KLHDC3: variants seen among roughly 807,000 people sequenced by gnomAD.
KLHDC3 encodes the protein kelch domain-containing protein 3.
A neutral mutation model predicts 44.1 loss-of-function variants in KLHDC3; 5 were observed. That is an observed-to-expected ratio of 0.11 (90% CI 0.06 to 0.24). The LOEUF (loss-of-function observed/expected upper bound fraction) is 0.24, where lower values mean the gene tolerates loss of function less well. KLHDC3 is among the 10% of genes least tolerant of loss of function. KLHDC3 has a pLI of 1.00. For missense variants in KLHDC3, 247 were observed against 514.3 expected (o/e 0.48, Z 5.03); for synonymous variants, 170 against 189.0 (o/e 0.90, Z 0.82).
intron 1 of KLHDC3, chr6:43,014,659 C>T: frequency 4.4e-6 from 2 of 455,710 alleles, no homozygotes; most frequent in Non-Finnish European, 8.8e-6. Context: ...TAGGGGAGGC[C>T]GGAATGTCTG....
In KLHDC3 at chr6:43,020,639, T is replaced by C. The variant is rs182539097; in HGVS notation, c.1083-28T>C. 299 of 1,596,412 alleles carry C rather than the reference T, an allele frequency of 1.9e-4. 1 individual carries two copies. The highest frequency in any genetic ancestry group is 1.8e-3 in the African/African-American group (134 of 74,656). On this transcript the variant is annotated intron_variant, in intron 10 of 10. Coordinates refer to ENST00000326974, the MANE Select transcript of KLHDC3 (RefSeq NM_057161.4). ...AGCTTGGGCTGAGGGCCCCCTCTTC[T>C]TTCTGTCTCTTATTGTTGGCCTTCC...
At chr6:43,015,920 C>A (rs1289203298) in intron 1 of KLHDC3, among the ~76,000 whole-genome samples, 1 of 149,846 alleles carries the variant, frequency 6.7e-6, no homozygotes, top group Non-Finnish European at 1.5e-5. Flanking sequence ...TGCCCAAGGG[C>A]ATTTTTTGCC....
At chr6:43,014,441 A>T in intron 1 of KLHDC3, 93 bp downstream of exon 1, 27 of 387,882 alleles carry the variant, frequency 7.0e-5, no homozygotes, top group East Asian at 1.5e-4. Flanking sequence ...CCTGAGAGTG[A>T]TGAGGTGGGG....
chr6:43,018,077 G>T lies in KLHDC3; in HGVS notation c.448-68G>T. ...TTGGCTTGTTTGCAGGTTTTGAGGG[G>T]AGGGATGGAGGGTCAGAGAGTGACC... On this transcript the variant is annotated intron_variant, in intron 4 of 10. Transcript: ENST00000326974. The surrounding 1 kb of genome is among the most constrained non-coding windows in gnomAD (Gnocchi z 6.0). 7.0e-7 allele frequency: 1 copy of T among 1,421,626 alleles called. No individual in the cohort carries two copies. The highest frequency in any genetic ancestry group is 1.0e-6 in the Non-Finnish European group (1 of 1,004,910). 88.1% of individuals were successfully genotyped at this position (1,421,626 alleles called of 1,614,324 possible).
intron 1 of KLHDC3, among the ~76,000 whole-genome samples, chr6:43,015,677 C>G (rs1332708943): frequency 6.6e-6 from 1 of 151,844 alleles, no homozygotes; most frequent in Non-Finnish European, 1.5e-5. Flanking sequence ...TAGTGAGACC[C>G]CATCTCTACT....
chr6:43,020,901 G>C lies in KLHDC3; in HGVS notation c.*168G>C. The C allele has an allele frequency of 1.5e-6, 1 of 683,706 alleles. No individual in the cohort carries two copies. The highest frequency in any genetic ancestry group is 2.1e-5 in the Admixed American group (1 of 46,790). 42.4% of individuals were successfully genotyped at this position (683,706 alleles called of 1,614,324 possible). A position where few individuals can be genotyped will look rare whatever the true frequency, so the allele number is the denominator to read the frequency against. On this transcript the variant is annotated 3_prime_UTR_variant, in exon 11 of 11. Coordinates refer to ENST00000326974, the MANE Select transcript of KLHDC3 (RefSeq NM_057161.4). The stretch of plus-strand genomic sequence containing the variant: ...TGAATTCAGTGGGGAGCTGTAGCGG[G>C]GTGGGGGCTAGGTTCCTCCCCCCTT...
chr6:43,020,482 G>C (rs1762665423), intron 10 of KLHDC3, among the ~76,000 whole-genome samples, 185 bp from the exon 11 acceptor site: 2 of 152,122 alleles, frequency 1.3e-5, no homozygotes, highest in South Asian at 4.1e-4. Flanking sequence ...AGTGGGTGGT[G>C]TTGGATTTGG....
Position 43,017,476 on chromosome 6 carries a change from C to T in KLHDC3, c.155-43C>T. On this transcript the variant is annotated intron_variant, in intron 2 of 10. Transcript: ENST00000326974. The surrounding 1 kb of genome is among the most constrained non-coding windows in gnomAD (Gnocchi z 6.0). ...CATCTGGTTTGGGAAAAGTGGACAG[C>T]CTGGAGGGAGGTTCCCAGGGCTGAG... 1 of 1,564,294 alleles carries T rather than the reference C, an allele frequency of 6.4e-7. No homozygotes were observed. The highest frequency in any genetic ancestry group is 8.7e-7 in the Non-Finnish European group (1 of 1,151,372).
chr6:43,020,715 C>T lies in KLHDC3; in HGVS notation c.1131C>T (p.Ile377=), dbSNP rs143460878. The change falls in exon 11 of 11, where the codon ATC becomes ATT. Residue 377 remains isoleucine (I), a synonymous_variant. Coordinates refer to ENST00000326974, the MANE Select transcript of KLHDC3 (RefSeq NM_057161.4). ...MTTNSNISRP[I]VSSHG ...CCAACAGCAATATCAGTCGCCCCATCGTCTCCTCCCATGGGTAGGAGGAAG... is the reference window on the plus strand; with the variant it reads ...CCAACAGCAATATCAGTCGCCCCATTGTCTCCTCCCATGGGTAGGAGGAAG... The T allele has an allele frequency of 4.3e-6, 7 of 1,613,706 alleles. No homozygotes were observed. In the African/African-American group the frequency reaches 8.0e-5, roughly 18 times the overall value.
intron 1 of KLHDC3, among the ~76,000 whole-genome samples, chr6:43,015,228 C>T (rs1000201066): frequency 6.6e-6 from 1 of 152,170 alleles, no homozygotes; most frequent in African/African-American, 2.4e-5. Context: ...AGAGTAGCTT[C>T]CTGCTGGGGC....
intron 10 of KLHDC3, among the ~76,000 whole-genome samples, chr6:43,019,980 C>T (rs769699319): frequency 6.6e-6 from 1 of 152,050 alleles, no homozygotes; most frequent in Non-Finnish European, 1.5e-5. Flanking sequence ...AGTTCGAGAC[C>T]ATCCTGGCCA....
intron 1 of KLHDC3, among the ~76,000 whole-genome samples, chr6:43,015,377 C>T (rs112829531): frequency 0.011 from 1,722 of 152,268 alleles, 34 homozygotes; most frequent in African/African-American, 0.039. Context: ...TGTTTTAGTG[C>T]CTGAGGTTTT....
chr6:43,017,092 G>A lies in KLHDC3; in HGVS notation c.-59-42G>A. ...GGGCAGAGTCACAGTGAGCTGGGCAGAAGCCTCGCCTGAGGATCCCGTGGC... is the reference window on the plus strand; with the variant it reads ...GGGCAGAGTCACAGTGAGCTGGGCAAAAGCCTCGCCTGAGGATCCCGTGGC... On this transcript the variant is annotated intron_variant, in intron 1 of 10. Coordinates refer to ENST00000326974, the MANE Select transcript of KLHDC3 (RefSeq NM_057161.4). This position sits in a 1 kb window ranked among gnomAD's most constrained non-coding sequence, Gnocchi z 6.0. 1 of 1,398,902 alleles carries A rather than the reference G, an allele frequency of 7.1e-7. No homozygotes were observed. Among genetic ancestry groups the A allele is most frequent in the South Asian group, 1.3e-5 (1 of 77,964 alleles). The allele number at this position is 1,398,902 out of a possible 1,614,324, so 86.7% of individuals were successfully genotyped here.
Position 43,019,419 on chromosome 6 carries a change from AG to A in KLHDC3, c.1082+55del, listed in dbSNP as rs1170430774. On this transcript the variant is annotated intron_variant, in intron 10 of 10. Coordinates refer to ENST00000326974, the MANE Select transcript of KLHDC3 (RefSeq NM_057161.4). ...TTGAGTGAGGGTGAGTGAGCAGCAC[AG>A]GTGTGACCTGATTAGCTTGGTTTCA... 3 of 1,239,280 alleles carry A rather than the reference AG, an allele frequency of 2.4e-6. No individual in the cohort carries two copies. The African/African-American group carries it at 4.5e-5, about 18-fold the overall frequency. 76.8% of individuals were successfully genotyped at this position (1,239,280 alleles called of 1,614,324 possible).
Position 43,014,315 on chromosome 6 carries a change from G to A in KLHDC3, c.-93G>A, listed in dbSNP as rs1164195478. On this transcript the variant is annotated 5_prime_UTR_variant, in exon 1 of 11. Transcript: ENST00000326974. Reference sequence around the variant, plus strand: ...GGGTTCTAGGCTGCAGGCAGCTCGAGGACCCGCGGCCCCGCCCCGGCTCGG... The same window carrying A: ...GGGTTCTAGGCTGCAGGCAGCTCGAAGACCCGCGGCCCCGCCCCGGCTCGG... 1.5e-6 allele frequency: 1 copy of A among 650,042 alleles called. No individual in the cohort carries two copies. Among genetic ancestry groups the A allele is most frequent in the African/African-American group, 1.8e-5 (1 of 54,812 alleles). 40.3% of individuals were successfully genotyped at this position (650,042 alleles called of 1,614,324 possible). A position where few individuals can be genotyped will look rare whatever the true frequency, so the allele number is the denominator to read the frequency against.
Position 43,018,916 on chromosome 6 carries a change from C to T in KLHDC3, c.874C>T (p.Arg292Trp). 1.2e-6 allele frequency: 2 copies of T among 1,612,860 alleles called. No homozygotes were observed. The highest frequency in any genetic ancestry group is 1.7e-6 in the Non-Finnish European group (2 of 1,179,378). The change falls in exon 8 of 11, where the codon CGG becomes TGG. Residue 292 changes from arginine to tryptophan, a missense_variant. Arg to Trp is a moderately radical substitution (Grantham distance 101). Coordinates refer to ENST00000326974, the MANE Select transcript of KLHDC3 (RefSeq NM_057161.4). This position sits in a 1 kb window ranked among gnomAD's most constrained non-coding sequence, Gnocchi z 6.0. ...EPKGKGPCPR[R>W]RQCCCIVGDK... ...GAAGGGGAAGGGGCCATGTCCCCGC[C>T]GGCGCCAGTGCTGCTGTATTGTTGG...
rs1175041137 is a variant in KLHDC3, at chr6:43,017,652, T to C, written c.288T>C (p.Asn96=). The C allele has an allele frequency of 6.2e-7, 1 of 1,613,800 alleles. No individual in the cohort carries two copies. The highest frequency in any genetic ancestry group is 1.3e-5 in the African/African-American group (1 of 74,920). Residue 96 remains asparagine (N), a synonymous_variant, in exon 3 of 11, where the codon AAT becomes AAC. Transcript: ENST00000326974. The surrounding 1 kb of genome is among the most constrained non-coding windows in gnomAD (Gnocchi z 6.0). Reference sequence around the variant, plus strand: ...CAGTCCTCCTTTGGGGCGGGCGGAATGACACCGAAGGGGCCTGCAATGTGC... The same window carrying C: ...CAGTCCTCCTTTGGGGCGGGCGGAACGACACCGAAGGGGCCTGCAATGTGC... ...DDTVLLWGGR[N]DTEGACNVLY... is the part of the protein sequence containing the mutation.
At position 43,018,432 on chromosome 6, in the gene KLHDC3, G is replaced by C. The variant is rs755416289; in HGVS notation, c.609G>C (p.Gly203=). ...YVFGGRADRF[G]PFHSNNEIYC... ...TTGGGGGCCGTGCCGACCGCTTTGG[G>C]CCATTCCATTCCAACAATGAGATTT... The change falls in exon 6 of 11, where the codon GGG becomes GGC. Residue 203 remains glycine (G), a synonymous_variant. Coordinates refer to ENST00000326974, the MANE Select transcript of KLHDC3 (RefSeq NM_057161.4). This position sits in a 1 kb window ranked among gnomAD's most constrained non-coding sequence, Gnocchi z 6.0. The C allele has an allele frequency of 3.1e-6, 5 of 1,614,168 alleles. No individual in the cohort carries two copies. The Admixed American group carries it at 8.3e-5, about 27-fold the overall frequency.
At chr6:43,019,034 A>T in intron 8 of KLHDC3, 58 bp from the exon 9 acceptor site, 2 of 1,575,002 alleles carry the variant, frequency 1.3e-6, no homozygotes. Flanking sequence ...AGGTATTTGA[A>T]AAGGGGGTTT....
Sources: gnomAD v4.1 joint callset for allele counts (sites outside exome capture counted in the v4.1 genomes callset) on GRCh38, gnomAD v4.1.1 for gene constraint, Gnocchi (gnomAD v3.1) non-coding constraint, MANE v1.5 for transcripts, NCBI Gene and HGNC (gene_info 2026-07-23, HGNC 2026-07-21) for gene names.